EPC2: variants seen among roughly 807,000 people sequenced by gnomAD.
EPC2 encodes enhancer of polycomb 2.
Under a neutral mutation model 92.1 loss-of-function variants are expected in EPC2, and 14 were observed. The observed-to-expected ratio is 0.15, with a 90% confidence interval of 0.10 to 0.24. EPC2 has a LOEUF of 0.24. Ranked by LOEUF, EPC2 falls within the 10% of genes least tolerant of loss-of-function variation. The pLI is 1.00. For missense variants in EPC2, 755 were observed against 971.5 expected (o/e 0.78, Z 2.96); for synonymous variants, 340 against 334.7 (o/e 1.02, Z -0.17).
chr2:148,729,141 A>T, intron 2 of EPC2, among the ~76,000 whole-genome samples: 1 of 151,588 alleles, frequency 6.6e-6, no homozygotes, highest in Non-Finnish European at 1.5e-5. Context: ...ATAGAATTTC[A>T]TAGAGATGTG....
chr2:148,645,419 C>A, intron 1 of EPC2: 1 of 429,618 alleles, frequency 2.3e-6, no homozygotes, highest in Non-Finnish European at 4.2e-6. Flanking sequence ...CGTAAGGGGG[C>A]CTTGCCGTAA....
At chr2:148,661,951 A>C (rs1229440361) in intron 1 of EPC2, among the ~76,000 whole-genome samples, 1 of 152,228 alleles carries the variant, frequency 6.6e-6, no homozygotes, top group Non-Finnish European at 1.5e-5. Context: ...CAGAATCTAC[A>C]ATGAACTCAA....
intron 2 of EPC2, among the ~76,000 whole-genome samples, chr2:148,705,809 A>G (rs1396005279): frequency 6.6e-6 from 1 of 152,202 alleles, no homozygotes; most frequent in Non-Finnish European, 1.5e-5. Context: ...ATCAACATCA[A>G]CCAAAAGGAC....
chr2:148,702,446 A>C (rs1681910124), intron 2 of EPC2, among the ~76,000 whole-genome samples: 1 of 152,194 alleles, frequency 6.6e-6, no homozygotes, highest in African/African-American at 2.4e-5. Context: ...GTGATTCTCA[A>C]ACCCAGAATT....
intron 7 of EPC2, among the ~76,000 whole-genome samples, chr2:148,768,353 G>GT (rs991806290): frequency 6.6e-6 from 1 of 152,158 alleles, no homozygotes; most frequent in African/African-American, 2.4e-5. Flanking sequence ...TATTTAATCT[G>GT]TTTTTGTGAC....
intron 2 of EPC2, among the ~76,000 whole-genome samples, chr2:148,738,264 A>G (rs990447288): frequency 3.3e-5 from 5 of 152,196 alleles, no homozygotes. Context: ...TGGCCCAGGT[A>G]CACTTTAAAC....
chr2:148,691,938 A>C, intron 2 of EPC2: 1 of 416,680 alleles, frequency 2.4e-6, no homozygotes, highest in South Asian at 2.0e-5. Context: ...TTTCTTTCTT[A>C]TGGTATATAT....
intron 1 of EPC2, among the ~76,000 whole-genome samples, chr2:148,678,676 C>CT (rs2105365078): frequency 6.6e-6 from 1 of 152,368 alleles, no homozygotes; most frequent in Admixed American, 6.5e-5. Flanking sequence ...GGGCCGGCTG[C>CT]TCCGAGTGCA....
chr2:148,764,741 A>G (rs1683374674), intron 6 of EPC2, among the ~76,000 whole-genome samples: 1 of 152,086 alleles, frequency 6.6e-6, no homozygotes, highest in South Asian at 2.1e-4. Flanking sequence ...TAATGTAAAA[A>G]GCAAATTTAA....
intron 1 of EPC2, among the ~76,000 whole-genome samples, chr2:148,680,356 G>C (rs944390715): frequency 1.2e-4 from 19 of 152,192 alleles, no homozygotes; most frequent in African/African-American, 4.6e-4. Context: ...CTTAATGGCA[G>C]AGACTGTTTC....
chr2:148,691,836 C>A, intron 2 of EPC2: 1 of 653,442 alleles, frequency 1.5e-6, no homozygotes, highest in Non-Finnish European at 2.9e-6. Context: ...TAATTTATTT[C>A]TTTAATCTTA....
chr2:148,645,457 G>A lies in EPC2; in HGVS notation c.153+287G>A, dbSNP rs561713321. The A allele has an allele frequency of 1.3e-4, 50 of 380,394 alleles. No individual in the cohort carries two copies. In the South Asian group the frequency reaches 1.3e-3, roughly 10 times the overall value. The allele number at this position is 380,394 out of a possible 1,614,324, so 23.6% of individuals were successfully genotyped here. On this transcript the variant is annotated intron_variant, in intron 1 of 13. Coordinates refer to ENST00000258484, the MANE Select transcript of EPC2 (RefSeq NM_015630.4). The stretch of plus-strand genomic sequence containing the variant: ...GGCGGCCGGGAATGGCGCAGGGGAT[G>A]CGCTGGCCGCTCTTGGCGTACGGTC...
intron 1 of EPC2, among the ~76,000 whole-genome samples, chr2:148,685,249 AG>A (rs1181880585): frequency 1.8e-4 from 2 of 11,078 alleles, no homozygotes; most frequent in Non-Finnish European, 3.6e-3. Context: ...GATTTCGTTG[AG>A]TTTTTTTTTT....
intron 10 of EPC2, among the ~76,000 whole-genome samples, chr2:148,777,892 C>T (rs1683676131): frequency 6.6e-6 from 1 of 152,088 alleles, no homozygotes; most frequent in Admixed American, 6.6e-5. Context: ...AGGTGAGGGG[C>T]TTTCGTGAAA....
At chr2:148,748,392 C>G (rs968220369) in intron 3 of EPC2, among the ~76,000 whole-genome samples, 2 of 152,068 alleles carry the variant, frequency 1.3e-5, no homozygotes, top group Non-Finnish European at 2.9e-5. Flanking sequence ...TACTCTCTTT[C>G]TTAATTAATG....
chr2:148,664,053 T>C (rs1003451403), intron 1 of EPC2, among the ~76,000 whole-genome samples: 1 of 152,206 alleles, frequency 6.6e-6, no homozygotes, highest in Non-Finnish European at 1.5e-5. Flanking sequence ...CTGAGTCACC[T>C]ACTACCCAAT....
rs1683511168 is a variant in EPC2, at chr2:148,771,216, T to C, written c.1549T>C (p.Leu517=). The change falls in exon 10 of 14, where the codon TTA becomes CTA. Residue 517 remains leucine, a synonymous_variant. Coordinates refer to ENST00000258484, the MANE Select transcript of EPC2 (RefSeq NM_015630.4). The part of the protein sequence containing the change: ...CENRLSLSEI[L]SNIRSCRLQC... The stretch of plus-strand genomic sequence containing the variant: ...AAATAGACTGTCTCTTTCTGAAATA[T>C]TAAGCAATATCAGATCATGTCGACT... 6.2e-7 allele frequency: 1 copy of C among 1,614,018 alleles called. No individual in the cohort carries two copies. The highest frequency in any genetic ancestry group is 8.5e-7 in the Non-Finnish European group (1 of 1,179,886).
At chr2:148,759,340 G>A (rs993461729) in intron 4 of EPC2, among the ~76,000 whole-genome samples, 1 of 152,094 alleles carries the variant, frequency 6.6e-6, no homozygotes. Flanking sequence ...TGATCCGACC[G>A]CCTTGGCCTC....
intron 12 of EPC2, among the ~76,000 whole-genome samples, chr2:148,784,400 A>T (rs796701984): frequency 3.9e-5 from 6 of 152,284 alleles, no homozygotes; most frequent in African/African-American, 1.4e-4. Context: ...GTCCTGTTAT[A>T]CTTAACTCCA....
Sources: gnomAD v4.1 joint callset for allele counts (sites outside exome capture counted in the v4.1 genomes callset) on GRCh38, gnomAD v4.1.1 for gene constraint, MANE v1.5 for transcripts, NCBI Gene and HGNC (gene_info 2026-07-23, HGNC 2026-07-21) for gene names.